CASTOR2: variants seen among roughly 807,000 people sequenced by gnomAD.
CASTOR2 encodes cytosolic arginine sensor for mTORC1 subunit 2.
A neutral mutation model predicts 31.2 loss-of-function variants in CASTOR2; 8 were observed. The ratio of observed to expected loss-of-function variants is 0.26; its 90% confidence interval spans 0.15 to 0.46. The LOEUF (loss-of-function observed/expected upper bound fraction) is 0.46. CASTOR2 is among the 20% of genes least tolerant of loss of function. The pLI, the probability that CASTOR2 is intolerant of heterozygous loss-of-function variation, is 0.99. For missense variants in CASTOR2, 216 were observed against 382.1 expected (o/e 0.57, Z 3.62); for synonymous variants, 162 against 158.7 (o/e 1.02, Z -0.16).
intron 2 of CASTOR2, among the ~76,000 whole-genome samples, chr7:75,014,115 A>G (rs1168968208): frequency 6.6e-6 from 1 of 152,164 alleles, no homozygotes; most frequent in African/African-American, 2.4e-5. Flanking sequence ...GGTAATGGGT[A>G]GAAGCTTAGA....
In CASTOR2 at chr7:75,027,949, G is replaced by C. The variant is rs1222336018; in HGVS notation, c.*3250G>C. On this transcript the variant is annotated 3_prime_UTR_variant, in exon 9 of 9. Transcript: ENST00000616305. ...CTCTCCAGGCCCCAGACCCCACTTG[G>C]AGGGGCATGTGTTTCTCAGAGGGGC... The C allele has an allele frequency of 7.0e-7, 1 of 1,423,592 alleles. No homozygotes were observed. The highest frequency in any genetic ancestry group is 9.6e-7 in the Non-Finnish European group (1 of 1,046,340). 88.2% of individuals were successfully genotyped at this position (1,423,592 alleles called of 1,614,324 possible). A position where few individuals can be genotyped will look rare whatever the true frequency, so the allele number is the denominator to read the frequency against.
intron 1 of CASTOR2, among the ~76,000 whole-genome samples, chr7:74,997,648 A>ACTC (rs1804383909): frequency 2.0e-5 from 3 of 151,650 alleles, no homozygotes; most frequent in African/African-American, 7.3e-5. Context: ...CTGGGCTCGA[A>ACTC]CTCCTGACCT....
chr7:75,008,199 T>C, intron 2 of CASTOR2, 135 bp downstream of exon 2: 2 of 1,166,782 alleles, frequency 1.7e-6, no homozygotes, highest in Non-Finnish European at 2.5e-6. Flanking sequence ...TGCCCTCATC[T>C]GCTGGTCAGC....
At chr7:74,984,059 G>A (rs1804008998) in intron 1 of CASTOR2, among the ~76,000 whole-genome samples, 2 of 150,698 alleles carry the variant, frequency 1.3e-5, no homozygotes, top group Non-Finnish European at 3.0e-5. Flanking sequence ...GATTTCAGAC[G>A]TGAGCCACCT....
Position 75,024,492 on chromosome 7 carries a change from C to G in CASTOR2, c.882C>G (p.Ile294Met), listed in dbSNP as rs1805076496. Residue 294 changes from isoleucine (I) to methionine (M), a missense_variant, in exon 8 of 9, where the codon ATC becomes ATG. Coordinates refer to ENST00000616305, the MANE Select transcript of CASTOR2 (RefSeq NM_001145064.3). ...QISEPLAAADIPAYYISTFKF... is the reference protein window; with the variant it reads ...QISEPLAAADMPAYYISTFKF... ...CAGAGCCCTTGGCTGCTGCAGACAT[C>G]CCAGCCTACTACATCAGTACTTTCA... is the stretch of plus-strand genomic sequence containing the variant. 1 of 1,551,494 alleles carries G rather than the reference C, an allele frequency of 6.4e-7. No individual in the cohort carries two copies. Among genetic ancestry groups the G allele is most frequent in the Non-Finnish European group, 8.7e-7 (1 of 1,146,848 alleles).
chr7:74,990,828 C>T (rs1554437257), intron 1 of CASTOR2, among the ~76,000 whole-genome samples: 1 of 152,142 alleles, frequency 6.6e-6, no homozygotes, highest in African/African-American at 2.4e-5. Context: ...GTACTCCAGC[C>T]TGGGTGACAG....
At chr7:75,014,632 G>T (rs1377787113) in intron 2 of CASTOR2, among the ~76,000 whole-genome samples, 1 of 152,096 alleles carries the variant, frequency 6.6e-6, no homozygotes, top group African/African-American at 2.4e-5. Flanking sequence ...TCTTTCCCAG[G>T]CTGAGGCCGT....
chr7:74,998,190 A>G (rs1804398230), intron 1 of CASTOR2, among the ~76,000 whole-genome samples: 1 of 152,144 alleles, frequency 6.6e-6, no homozygotes, highest in South Asian at 2.1e-4. Context: ...CCGTCTGTGA[A>G]ATGGGAATCA....
intron 1 of CASTOR2, among the ~76,000 whole-genome samples, chr7:74,996,751 CA>C (rs1804361367): frequency 2.1e-5 from 1 of 46,826 alleles, no homozygotes; most frequent in Non-Finnish European, 4.0e-5. Context: ...TTTTTGGAGA[CA>C]GAATCTTACT....
At chr7:75,019,733 C>T (rs1013104714) in intron 5 of CASTOR2, among the ~76,000 whole-genome samples, 3 of 152,180 alleles carry the variant, frequency 2.0e-5, no homozygotes, top group African/African-American at 7.2e-5. Context: ...TAGGCCAACA[C>T]GAGGTGGGGC....
chr7:75,005,132 G>T (rs1163901602), intron 1 of CASTOR2, among the ~76,000 whole-genome samples: 1 of 152,098 alleles, frequency 6.6e-6, no homozygotes, highest in African/African-American at 2.4e-5. Context: ...CTCGCAAAGT[G>T]CTGGGATTAC....
chr7:74,967,536 CTTTTTTTTTTTT>C (rs1185507666), intron 1 of CASTOR2, among the ~76,000 whole-genome samples: 8 of 43,518 alleles, frequency 1.8e-4, no homozygotes, highest in Admixed American at 1.1e-3. Context: ...CACCTGTTTA[CTTTTTTTTTTTT>C]TTTTTTTTTT....
At chr7:75,018,735 G>A (rs1188206226) in intron 4 of CASTOR2, among the ~76,000 whole-genome samples, 3 of 152,248 alleles carry the variant, frequency 2.0e-5, no homozygotes, top group South Asian at 2.1e-4. Context: ...AGGTGGTGCC[G>A]GTTGGGAAGG....
chr7:75,008,077 C>T lies in CASTOR2; in HGVS notation c.184+13C>T, dbSNP rs1804644198. ...GAAGGATTCCTAGGTAAGTGCTTCT[C>T]TCCCTAGGGGCTCGGCTGGACCATG... On this transcript the variant is annotated intron_variant, in intron 2 of 8. Transcript: ENST00000616305. The T allele has an allele frequency of 4.5e-5, 72 of 1,613,626 alleles. No homozygotes were observed. The highest frequency in any genetic ancestry group is 5.8e-5 in the Non-Finnish European group (68 of 1,179,758).
At chr7:75,019,797 G>T (rs1253074581) in intron 5 of CASTOR2, among the ~76,000 whole-genome samples, 2 of 152,254 alleles carry the variant, frequency 1.3e-5, no homozygotes, top group Non-Finnish European at 2.9e-5. Flanking sequence ...TGAGATGCAG[G>T]CAGGGGCCGG....
intron 1 of CASTOR2, among the ~76,000 whole-genome samples, chr7:74,973,329 T>G (rs587774728): frequency 6.9e-6 from 1 of 143,902 alleles, no homozygotes; most frequent in South Asian, 2.2e-4. Context: ...GAAGCTCCAG[T>G]AAGCTTTTTT....
intron 1 of CASTOR2, among the ~76,000 whole-genome samples, chr7:74,973,164 C>A (rs587689183): frequency 0.024 from 3,570 of 150,362 alleles, 141 homozygotes; most frequent in Non-Finnish European, 0.035. Context: ...CACTGCTCAT[C>A]CTGGCTGTGT....
chr7:75,025,647 C>T lies in CASTOR2; in HGVS notation c.*948C>T, dbSNP rs895832650. Among the ~76,000 whole-genome samples, 94 of 152,380 alleles carry T rather than the reference C, an allele frequency of 6.2e-4. No homozygotes were observed. Among genetic ancestry groups the T allele is most frequent in the African/African-American group, 2.2e-3 (92 of 41,592 alleles). On this transcript the variant is annotated 3_prime_UTR_variant, in exon 9 of 9. Coordinates refer to ENST00000616305, the MANE Select transcript of CASTOR2 (RefSeq NM_001145064.3). ...CCAAGTCACCTGCCTGCCCACCCGCCCCTTGGCTGGGGGCTGTGGCATTCA... is the reference window on the plus strand; with the variant it reads ...CCAAGTCACCTGCCTGCCCACCCGCTCCTTGGCTGGGGGCTGTGGCATTCA...
chr7:75,008,239 C>G (rs1804648852), intron 2 of CASTOR2, among the ~76,000 whole-genome samples, 175 bp downstream of exon 2: 1 of 151,912 alleles, frequency 6.6e-6, no homozygotes, highest in African/African-American at 2.4e-5. Context: ...ATTTCCTTCT[C>G]TCCCTGGCTT....
Sources: allele counts gnomAD v4.1 joint callset (sites outside exome capture counted in the v4.1 genomes callset), GRCh38; gene constraint gnomAD v4.1.1; transcripts MANE v1.5; gene names NCBI Gene and HGNC (gene_info 2026-07-23, HGNC 2026-07-21).